Variants in UBE2L3 observed in about 807,000 individuals in gnomAD.
UBE2L3 encodes the protein ubiquitin-conjugating enzyme E2 L3.
Under a neutral mutation model 17.8 loss-of-function variants are expected in UBE2L3, and 1 was observed. The observed-to-expected ratio is 0.06, with a 90% CI of 0.02 to 0.27. The LOEUF (loss-of-function observed/expected upper bound fraction) is 0.27. Among genes scored for constraint, UBE2L3 ranks in the 10% least tolerant of loss-of-function variants. The pLI is 1.00. For synonymous variants in UBE2L3, 44 were observed against 68.5 expected (o/e 0.64, Z 1.76); for missense variants, 40 against 192.6 (o/e 0.21, Z 4.69).
intron 3 of UBE2L3, among the ~76,000 whole-genome samples, chr22:21,618,973 C>G (rs899082605): frequency 2.6e-5 from 4 of 152,138 alleles, no homozygotes; most frequent in African/African-American, 9.7e-5. Context: ...CCTGAGCGTG[C>G]CCCTAACGAA....
At chr22:21,601,463 C>T (rs1928855199) in intron 2 of UBE2L3, among the ~76,000 whole-genome samples, 1 of 151,536 alleles carries the variant, frequency 6.6e-6, no homozygotes, top group Non-Finnish European at 1.5e-5. Flanking sequence ...CAGGCGTGTA[C>T]CACTACGCCT....
At chr22:21,555,423 G>A (rs1926188489) in intron 1 of UBE2L3, 1 of 152,748 alleles carries the variant, frequency 6.5e-6, no homozygotes, top group Non-Finnish European at 1.5e-5. Flanking sequence ...AGGAGTTCGG[G>A]ACCCGCCTGG....
At chr22:21,601,571 T>A (rs1243005608) in intron 2 of UBE2L3, among the ~76,000 whole-genome samples, 1 of 151,802 alleles carries the variant, frequency 6.6e-6, no homozygotes, top group Non-Finnish European at 1.5e-5. Context: ...CACCTCAGCA[T>A]CCCAAAGTGC....
At chr22:21,595,171 C>T (rs1477354243) in intron 2 of UBE2L3, among the ~76,000 whole-genome samples, 8 of 152,234 alleles carry the variant, frequency 5.3e-5, no homozygotes, top group Non-Finnish European at 1.0e-4. Context: ...CAAAGTTTCA[C>T]CTTGGAGACG....
rs1568981113 is a variant in UBE2L3 at position 21,597,774 on chromosome 22, G to GTTTTTTTTTT, written c.123+4818_123+4819insTTTTTTTTTT. ...TGGATCTTTGATCCATTTATATGTA[G>GTTTTTTTTTT]ATTTTTTTTTTTTTTTTTTTTTTTT... On this transcript the variant is annotated intron_variant, in intron 2 of 3. Coordinates refer to ENST00000342192, the MANE Select transcript of UBE2L3 (RefSeq NM_003347.4). Among the ~76,000 whole-genome samples the GTTTTTTTTTT allele has an allele frequency of 4.1e-5, 3 of 73,478 alleles. No homozygotes were observed. In the East Asian group the frequency reaches 2.0e-3, roughly 49 times the overall value. 48.2% of individuals were successfully genotyped at this position (73,478 alleles called of 152,430 possible).
intron 1 of UBE2L3, chr22:21,568,186 G>A: frequency 4.0e-6 from 4 of 996,800 alleles, no homozygotes; most frequent in Non-Finnish European, 4.8e-6. Context: ...GAACCGCCCC[G>A]CCCTGGGCCG....
intron 2 of UBE2L3, among the ~76,000 whole-genome samples, chr22:21,595,295 T>G (rs1445307952): frequency 6.6e-6 from 1 of 152,272 alleles, no homozygotes; most frequent in African/African-American, 2.4e-5. Flanking sequence ...CAATGAAGTC[T>G]TCTTCCTTCT....
upstream of UBE2L3, among the ~76,000 whole-genome samples, chr22:21,564,745 G>A (rs981274964): frequency 1.3e-5 from 2 of 152,162 alleles, no homozygotes; most frequent in East Asian, 3.9e-4. Context: ...ATTTCTCAGC[G>A]TAAGCGTCCC....
intron 2 of UBE2L3, among the ~76,000 whole-genome samples, chr22:21,601,623 C>T (rs1470325272): frequency 6.6e-6 from 1 of 151,838 alleles, no homozygotes; most frequent in African/African-American, 2.4e-5. Flanking sequence ...CCTAACTCAG[C>T]TCTTGACAAG....
At chr22:21,611,443 G>C (rs1929471920) in intron 3 of UBE2L3, among the ~76,000 whole-genome samples, 1 of 152,230 alleles carries the variant, frequency 6.6e-6, no homozygotes, top group African/African-American at 2.4e-5. Flanking sequence ...AGACTTGAAG[G>C]AGGAAAGGAG....
intron 1 of UBE2L3, among the ~76,000 whole-genome samples, chr22:21,584,790 A>G (rs898703791): frequency 6.6e-6 from 1 of 151,668 alleles, no homozygotes; most frequent in African/African-American, 2.4e-5. Context: ...GCAAAACCCC[A>G]TCTCTACTAA....
At chr22:21,568,815 G>A (rs79771353) in intron 1 of UBE2L3, among the ~76,000 whole-genome samples, 7,763 of 152,216 alleles carry the variant, frequency 0.051, 276 homozygotes, top group Non-Finnish European at 0.078. Flanking sequence ...GCAGTGCTTG[G>A]TAGAGCTAGA....
chr22:21,552,933 AC>A (rs1926123498), intron 1 of UBE2L3, among the ~76,000 whole-genome samples: 1 of 80,870 alleles, frequency 1.2e-5, no homozygotes, highest in Non-Finnish European at 2.6e-5. Flanking sequence ...CACCATGTTA[AC>A]CAGGATGGTC....
chr22:21,586,919 G>A (rs1473611701), intron 1 of UBE2L3, among the ~76,000 whole-genome samples: 8 of 131,016 alleles, frequency 6.1e-5, no homozygotes, highest in Admixed American at 9.0e-5. Context: ...TCGCTCTGTC[G>A]CCCAGGCTGG....
chr22:21,617,095 A>C (rs1350676580), intron 3 of UBE2L3, among the ~76,000 whole-genome samples: 1 of 150,456 alleles, frequency 6.6e-6, no homozygotes, highest in East Asian at 2.0e-4. Context: ...CTGTAGTCCC[A>C]GCTGCTGCCA....
chr22:21,605,087 T>A (rs1233863250), intron 2 of UBE2L3, among the ~76,000 whole-genome samples: 1 of 152,188 alleles, frequency 6.6e-6, no homozygotes, highest in Non-Finnish European at 1.5e-5. Flanking sequence ...TACCTCAGCC[T>A]CCTGAGTGGC....
chr22:21,609,275 T>C (rs891018948), intron 2 of UBE2L3, among the ~76,000 whole-genome samples: 5 of 152,200 alleles, frequency 3.3e-5, no homozygotes, highest in South Asian at 2.1e-4. Context: ...GCCAAATGAA[T>C]TGAAAACTTG....
At chr22:21,616,025 G>A (rs1192251183) in intron 3 of UBE2L3, among the ~76,000 whole-genome samples, 4 of 152,172 alleles carry the variant, frequency 2.6e-5, no homozygotes, top group Non-Finnish European at 5.9e-5. Flanking sequence ...TTGGGCATGA[G>A]TTATAGTGCT....
intron 1 of UBE2L3, among the ~76,000 whole-genome samples, chr22:21,576,827 G>A (rs1197393314): frequency 3.4e-5 from 4 of 119,110 alleles, no homozygotes; most frequent in Middle Eastern, 5.7e-3. Context: ...TTTTTGAGAC[G>A]CAGTCTCGCT....
Sources: allele counts gnomAD v4.1 joint callset (sites outside exome capture counted in the v4.1 genomes callset), GRCh38; gene constraint gnomAD v4.1.1; transcripts MANE v1.5; gene names NCBI Gene and HGNC (gene_info 2026-07-23, HGNC 2026-07-21).